Variants in FAM114A2 observed in about 807,000 individuals in gnomAD.
FAM114A2 encodes family with sequence similarity 114 member A2.
FAM114A2 carries 53 observed loss-of-function variants against 58.4 expected under a neutral mutation model. The ratio of observed to expected loss-of-function variants is 0.91; its 90% CI spans 0.73 to 1.14. The LOEUF (loss-of-function observed/expected upper bound fraction) is 1.14. FAM114A2 is among the 50% of genes most tolerant of loss of function. The pLI, the probability that FAM114A2 is intolerant of heterozygous loss-of-function variation, is 0.00. For missense variants in FAM114A2, 601 were observed against 581.1 expected, an observed-to-expected ratio of 1.03 and a Z score of -0.35; for synonymous variants, 228 against 211.4, an observed-to-expected ratio of 1.08 and a Z score of -0.68.
At chr5:154,010,735 A>G (rs1306666644) in intron 9 of FAM114A2, among the ~76,000 whole-genome samples, 1 of 152,200 alleles carries the variant, frequency 6.6e-6, no homozygotes, top group Non-Finnish European at 1.5e-5. Flanking sequence ...ATAAGAAAAT[A>G]GTTCCAGAAT....
chr5:154,022,556 CAG>C (rs1771494713), intron 8 of FAM114A2, among the ~76,000 whole-genome samples: 1 of 152,200 alleles, frequency 6.6e-6, no homozygotes. Flanking sequence ...CACTGGTCAT[CAG>C]AGAAATGCAA....
chr5:153,996,335 G>A (rs748476055), intron 12 of FAM114A2, among the ~76,000 whole-genome samples: 11 of 151,978 alleles, frequency 7.2e-5, no homozygotes, highest in Non-Finnish European at 1.6e-4. Context: ...TGGAACAAAC[G>A]GATATCCATA....
intron 8 of FAM114A2, among the ~76,000 whole-genome samples, chr5:154,024,210 CTTG>C (rs1166318931): frequency 6.6e-6 from 1 of 152,116 alleles, no homozygotes; most frequent in East Asian, 1.9e-4. Context: ...AATTCTCAAA[CTTG>C]TTGGTCTCAG....
chr5:154,033,226 G>A (rs1349182638), intron 4 of FAM114A2, among the ~76,000 whole-genome samples: 1 of 152,288 alleles, frequency 6.6e-6, no homozygotes, highest in East Asian at 1.9e-4. Context: ...GCCCATGAGA[G>A]ATGAAGAATG....
intron 8 of FAM114A2, among the ~76,000 whole-genome samples, chr5:154,024,841 T>C (rs1006276314): frequency 2.0e-5 from 3 of 152,126 alleles, no homozygotes; most frequent in African/African-American, 7.2e-5. Context: ...TGTTAAAATA[T>C]CAAAAAGTGA....
At chr5:154,029,601 G>A in intron 4 of FAM114A2, 21 bp from the exon 5 acceptor site, 2 of 1,400,716 alleles carry the variant, frequency 1.4e-6, no homozygotes, top group Non-Finnish European at 2.0e-6. Context: ...GAGGGGATGT[G>A]TAAACATGAA....
Position 153,994,907 on chromosome 5 carries a change from A to C in FAM114A2, c.1383+12T>G. Reference sequence around the variant, plus strand: ...TACCTTTGGAGTCAGAGACTTAAAAACAATTACTAACCTCTAGAAATACTG... The same window carrying C: ...TACCTTTGGAGTCAGAGACTTAAAACCAATTACTAACCTCTAGAAATACTG... On this transcript the variant is annotated intron_variant, in intron 13 of 13. Transcript: ENST00000351797. The C allele has an allele frequency of 6.4e-7, 1 of 1,571,902 alleles. No individual in the cohort carries two copies. Among genetic ancestry groups the C allele is most frequent in the South Asian group, 1.1e-5 (1 of 90,132 alleles).
chr5:154,023,475 G>A (rs977074825), intron 8 of FAM114A2, among the ~76,000 whole-genome samples: 25 of 152,222 alleles, frequency 1.6e-4, no homozygotes, highest in African/African-American at 5.8e-4. Context: ...CATTCGCAGC[G>A]ACCTGGATGA....
intron 5 of FAM114A2, 23 bp downstream of exon 5, chr5:154,029,466 C>T (rs200469538): frequency 1.1e-5 from 14 of 1,289,568 alleles, no homozygotes; most frequent in Admixed American, 8.5e-5. Flanking sequence ...AAGGAACAGA[C>T]CACCTTGCAC....
At chr5:154,013,182 GTTATT>G (rs1296402205) in intron 8 of FAM114A2, among the ~76,000 whole-genome samples, 1 of 152,158 alleles carries the variant, frequency 6.6e-6, no homozygotes, top group Non-Finnish European at 1.5e-5. Flanking sequence ...AGAAAAAGTA[GTTATT>G]GCATTAGAAT....
chr5:154,034,316 G>C lies in FAM114A2; in HGVS notation c.272C>G (p.Ser91Cys). 2 of 1,601,904 alleles carry C rather than the reference G, an allele frequency of 1.2e-6. No homozygotes were observed. The highest frequency in any genetic ancestry group is 1.7e-6 in the Non-Finnish European group (2 of 1,173,398). The stretch of plus-strand genomic sequence containing the variant: ...TGTAGCCGAGGCTGAGGAGAGTATG[G>C]ACTTGCCCCAGCTCCCCCAATAACC... ...RWGYWGSWGK[S>C]ILSSASATVA... The change falls in exon 3 of 14, where the codon TCC (serine) becomes TGC (cysteine). Residue 91 changes from serine to cysteine, a missense_variant. Transcript: ENST00000351797.
chr5:154,031,360 C>T (rs1772186131), intron 4 of FAM114A2, among the ~76,000 whole-genome samples: 1 of 129,436 alleles, frequency 7.7e-6, no homozygotes, highest in Non-Finnish European at 1.6e-5. Context: ...TTGCAAATAC[C>T]TTAACTGCCC....
intron 4 of FAM114A2, among the ~76,000 whole-genome samples, chr5:154,033,134 A>C (rs1044059681): frequency 2.6e-5 from 4 of 152,236 alleles, no homozygotes; most frequent in Non-Finnish European, 5.9e-5. Flanking sequence ...GAGCTGAGGA[A>C]AATAAGCAGC....
At chr5:154,032,454 T>C (rs956887308) in intron 4 of FAM114A2, among the ~76,000 whole-genome samples, 15 of 152,182 alleles carry the variant, frequency 9.9e-5, no homozygotes, top group African/African-American at 3.4e-4. Context: ...GCTGTTAACA[T>C]ATTCAAAGCC....
At chr5:154,024,532 C>T (rs1771652936) in intron 8 of FAM114A2, among the ~76,000 whole-genome samples, 1 of 151,988 alleles carries the variant, frequency 6.6e-6, no homozygotes, top group Admixed American at 6.6e-5. Context: ...TGTTATGTTG[C>T]TTTAAGTATA....
chr5:154,007,403 A>G (rs947799456), intron 9 of FAM114A2, among the ~76,000 whole-genome samples: 1 of 152,076 alleles, frequency 6.6e-6, no homozygotes, highest in Admixed American at 6.5e-5. Flanking sequence ...TTAGAACAAG[A>G]ATCAGAATCA....
chr5:154,002,269 C>G lies in FAM114A2; in HGVS notation c.1238G>C (p.Arg413Thr), dbSNP rs1267767127. The change falls in exon 11 of 14, where the codon AGG (arginine) becomes ACG (threonine). Residue 413 changes from arginine (R) to threonine (T), a missense_variant. By Grantham distance (71) the Arg-to-Thr change is moderately conservative. Transcript: ENST00000351797. ...GRKQEVTAIE[R>T]SQTLSQMTIV... is the part of the protein sequence containing the mutation. ...CACTTACTGGGAAAGAGTTTGGCTC[C>G]TTTCTATGGCTGTCACTTCCTGCTT... The G allele has an allele frequency of 6.2e-7, 1 of 1,613,884 alleles. No individual in the cohort carries two copies. Among genetic ancestry groups the G allele is most frequent in the South Asian group, 1.1e-5 (1 of 91,062 alleles).
chr5:154,026,818 G>A (rs929336534), intron 7 of FAM114A2, among the ~76,000 whole-genome samples: 2 of 149,698 alleles, frequency 1.3e-5, no homozygotes, highest in Non-Finnish European at 1.5e-5. Context: ...AAGCTAACAG[G>A]TAACTGTACA....
chr5:154,020,335 C>T (rs112798836), intron 8 of FAM114A2, among the ~76,000 whole-genome samples: 4 of 152,008 alleles, frequency 2.6e-5, no homozygotes, highest in African/African-American at 9.7e-5. Flanking sequence ...ACAAAAAAAC[C>T]CTTCAAAAAA....
Sources: allele counts gnomAD v4.1 joint callset (sites outside exome capture counted in the v4.1 genomes callset), GRCh38; gene constraint gnomAD v4.1.1; transcripts MANE v1.5; gene names NCBI Gene and HGNC (gene_info 2026-07-23, HGNC 2026-07-21).